STAG1: variants seen among roughly 807,000 people sequenced by gnomAD.
STAG1 encodes the protein cohesin subunit SA-1.
Under a neutral mutation model 170.9 loss-of-function variants are expected in STAG1, and 26 were observed. The ratio of observed to expected loss-of-function variants is 0.15; its 90% CI spans 0.11 to 0.21. The LOEUF (loss-of-function observed/expected upper bound fraction) is 0.21, where lower values mean the gene tolerates loss of function less well. Ranked by LOEUF, STAG1 falls within the 10% of genes least tolerant of loss-of-function variation. The pLI, the probability that STAG1 is intolerant of heterozygous loss-of-function variation, is 1.00. For synonymous variants in STAG1, 514 were observed against 497.7 expected, an observed-to-expected ratio of 1.03 and a Z score of -0.44; for missense variants, 964 against 1,509.5, an observed-to-expected ratio of 0.64 and a Z score of 5.99.
At chr3:136,708,263 T>G (rs1943280821) in intron 1 of STAG1, among the ~76,000 whole-genome samples, 1 of 152,168 alleles carries the variant, frequency 6.6e-6, no homozygotes, top group Admixed American at 6.5e-5. Context: ...GAAATAAATG[T>G]GGTATATACA....
chr3:136,345,705 G>A (rs695983), intron 29 of STAG1, among the ~76,000 whole-genome samples: 111,441 of 151,984 alleles, frequency 0.73, 40,889 homozygotes, highest in East Asian at 0.85. Context: ...TATGAATCCT[G>A]TTGCTTTTCC....
chr3:136,672,716 G>C (rs1457949260), intron 1 of STAG1, among the ~76,000 whole-genome samples: 1 of 152,144 alleles, frequency 6.6e-6, no homozygotes, highest in African/African-American at 2.4e-5. Flanking sequence ...CACACACACA[G>C]AGAGGGGGGA....
At chr3:136,467,760 T>G (rs897772761) in intron 12 of STAG1, among the ~76,000 whole-genome samples, 1 of 152,178 alleles carries the variant, frequency 6.6e-6, no homozygotes, top group Non-Finnish European at 1.5e-5. Context: ...TAGTTGGAAG[T>G]AAAGCACTCC....
chr3:136,402,793 C>A (rs942777903), intron 21 of STAG1, among the ~76,000 whole-genome samples: 1 of 151,734 alleles, frequency 6.6e-6, no homozygotes, highest in Non-Finnish European at 1.5e-5. Context: ...TGCCACTGTA[C>A]CCCAGCGTGG....
At chr3:136,475,682 T>C (rs1576507205) in intron 10 of STAG1, among the ~76,000 whole-genome samples, 1 of 152,316 alleles carries the variant, frequency 6.6e-6, no homozygotes, top group South Asian at 2.1e-4. Flanking sequence ...CAGCAGTTTG[T>C]TAGGATTTTC....
At position 136,598,583 on chromosome 3, in the gene STAG1, C is replaced by T. The variant is rs572785799; in HGVS notation, c.297+5726G>A. On this transcript the variant is annotated intron_variant, in intron 4 of 33. Coordinates refer to ENST00000383202, the MANE Select transcript of STAG1 (RefSeq NM_005862.3). ...CTGGGACTATAGGCGCCCGCCACCA[C>T]GCCCGGCTAATTTTTTGTATTTTTA... Among the ~76,000 whole-genome samples the T allele has an allele frequency of 3.3e-5, 5 of 152,152 alleles. 1 individual carries two copies. In the South Asian group the frequency reaches 8.3e-4, roughly 25 times the overall value.
At position 136,434,891 on chromosome 3, in the gene STAG1, C is replaced by G. The variant is rs1450332999; in HGVS notation, c.1547-1232G>C. On this transcript the variant is annotated intron_variant, in intron 15 of 33. Transcript: ENST00000383202. Reference sequence around the variant, plus strand: ...TTTTTAACCTATTTGGCATTTATTTCTGATGATAGTAGGTGGGTCTGTTTA... The same window carrying G: ...TTTTTAACCTATTTGGCATTTATTTGTGATGATAGTAGGTGGGTCTGTTTA... 5.9e-5 allele frequency among the ~76,000 whole-genome samples: 9 copies of G among 152,010 alleles called. No individual in the cohort carries two copies. The East Asian group carries it at 1.7e-3, about 29-fold the overall frequency.
In STAG1 at chr3:136,747,093, TAAAAAAAAAA is replaced by T. The variant is rs71134408; in HGVS notation, c.-84+5092_-84+5101del. ...CCTGGGCAACAAGAGTGAAACTGTC[TAAAAAAAAAA>T]AAAAAAAAAAAAAAAAAAAATTAGC... On this transcript the variant is annotated intron_variant, in intron 1 of 33. Coordinates refer to ENST00000383202, the MANE Select transcript of STAG1 (RefSeq NM_005862.3). 1.2e-3 allele frequency among the ~76,000 whole-genome samples: 74 copies of T among 59,322 alleles called. 1 individual carries two copies. Among genetic ancestry groups the T allele is most frequent in the East Asian group, 0.012 (13 of 1,108 alleles). 38.9% of individuals were successfully genotyped at this position (59,322 alleles called of 152,430 possible).
intron 5 of STAG1, among the ~76,000 whole-genome samples, chr3:136,553,432 G>A (rs535161239): frequency 5.0e-4 from 76 of 152,238 alleles, no homozygotes; most frequent in Non-Finnish European, 9.4e-4. Context: ...TATATTCTAC[G>A]CCTACAGCAA....
rs1398765954 is a variant in STAG1 at position 136,343,948 on chromosome 3, G to A, written c.3330C>T (p.Gly1110=). 1 of 1,612,128 alleles carries A rather than the reference G, an allele frequency of 6.2e-7. No homozygotes were observed. Among genetic ancestry groups the A allele is most frequent in the Non-Finnish European group, 8.5e-7 (1 of 1,179,110 alleles). Residue 1110 remains glycine, a synonymous_variant, in exon 30 of 34, where the codon GGC becomes GGT. Coordinates refer to ENST00000383202, the MANE Select transcript of STAG1 (RefSeq NM_005862.3). ...NRTDTMIQTP[G]PLPAPQLTST... ...ATGTGAGTTGTGGTGCTGGCAGGGG[G>A]CCAGGAGTCTGAATCATGGTGTCAG...
intron 23 of STAG1, among the ~76,000 whole-genome samples, chr3:136,371,103 T>C (rs1937308207): frequency 6.6e-6 from 1 of 152,230 alleles, no homozygotes; most frequent in Non-Finnish European, 1.5e-5. Context: ...ATTTCTCTGA[T>C]GGCCAGTGAT....
At chr3:136,725,156 T>A (rs1310452508) in intron 1 of STAG1, among the ~76,000 whole-genome samples, 1 of 152,166 alleles carries the variant, frequency 6.6e-6, no homozygotes, top group Non-Finnish European at 1.5e-5. Flanking sequence ...TTAAATCAAC[T>A]AAGGAAGCTT....
chr3:136,471,204 T>A (rs1355179942), intron 12 of STAG1, among the ~76,000 whole-genome samples: 2 of 151,986 alleles, frequency 1.3e-5, no homozygotes, highest in African/African-American at 2.4e-5. Flanking sequence ...CACTCCAGCA[T>A]GAGAAACATA....
chr3:136,359,268 C>T lies in STAG1; in HGVS notation c.2816G>A (p.Gly939Asp), dbSNP rs745946457. The change falls in exon 27 of 34, where the codon GGT (glycine) becomes GAT (aspartate). Residue 939 changes from glycine to aspartate, a missense_variant. Gly to Asp is a moderately conservative substitution (Grantham distance 94). Transcript: ENST00000383202. ...QLFNELVQEQ[G>D]PNLDRTSAHV... is the part of the protein sequence containing the mutation. ...GGCAGATGTCCTATCTAGGTTGGGA[C>T]CTTGCTCTTGAACAAGTTCATTAAA... is the stretch of plus-strand genomic sequence containing the variant. 2 of 1,602,866 alleles carry T rather than the reference C, an allele frequency of 1.2e-6. No homozygotes were observed. Among genetic ancestry groups the T allele is most frequent in the Non-Finnish European group, 8.5e-7 (1 of 1,174,840 alleles).
At chr3:136,669,072 T>A (rs1941902201) in intron 1 of STAG1, among the ~76,000 whole-genome samples, 1 of 152,158 alleles carries the variant, frequency 6.6e-6, no homozygotes, top group African/African-American at 2.4e-5. Context: ...CCGCAACAGC[T>A]CTAGTTTTGT....
intron 26 of STAG1, among the ~76,000 whole-genome samples, chr3:136,360,338 A>G (rs909909602): frequency 4.6e-5 from 7 of 152,046 alleles, no homozygotes; most frequent in African/African-American, 1.7e-4. Flanking sequence ...CCTGCCTCCT[A>G]AACTATTCCT....
At chr3:136,578,108 C>G (rs1263294653) in intron 4 of STAG1, among the ~76,000 whole-genome samples, 1 of 152,228 alleles carries the variant, frequency 6.6e-6, no homozygotes. Flanking sequence ...AAGGGAGTAA[C>G]TATATCTATG....
At chr3:136,390,678 C>A (rs1342303215) in intron 22 of STAG1, among the ~76,000 whole-genome samples, 1 of 152,182 alleles carries the variant, frequency 6.6e-6, no homozygotes, top group South Asian at 2.1e-4. Flanking sequence ...ACAAGGATCA[C>A]TATTATTTCT....
At chr3:136,435,255 T>G (rs980742746) in intron 15 of STAG1, among the ~76,000 whole-genome samples, 1 of 152,234 alleles carries the variant, frequency 6.6e-6, no homozygotes, top group African/African-American at 2.4e-5. Context: ...AAGTGGCTTA[T>G]ATGTAATAAC....
Sources: gnomAD v4.1 joint callset for allele counts (sites outside exome capture counted in the v4.1 genomes callset) on GRCh38, gnomAD v4.1.1 for gene constraint, MANE v1.5 for transcripts, NCBI Gene and HGNC (gene_info 2026-07-23, HGNC 2026-07-21) for gene names.